SLCO3A1: variants seen among roughly 807,000 people sequenced by gnomAD.
SLCO3A1 encodes PGE1 transporter.
Under a neutral mutation model 63.1 loss-of-function variants are expected in SLCO3A1, and 27 were observed. The observed-to-expected ratio is 0.43, with a 90% confidence interval of 0.32 to 0.59. The LOEUF is 0.59. Among genes scored for constraint, SLCO3A1 ranks in the 20% least tolerant of loss-of-function variants. SLCO3A1 has a pLI of 0.09. For synonymous variants in SLCO3A1, 473 were observed against 409.9 expected, an observed-to-expected ratio of 1.15 and a Z score of -1.86; for missense variants, 773 against 945.8, an observed-to-expected ratio of 0.82 and a Z score of 2.40.
chr15:92,062,422 C>T (rs34970645), intron 2 of SLCO3A1, among the ~76,000 whole-genome samples: 17,018 of 152,028 alleles, frequency 0.11, 1,066 homozygotes, highest in East Asian at 0.27. Context: ...GCCCGAGTGC[C>T]GTGTGGTCCA....
chr15:92,034,714 T>C (rs1414803014), intron 2 of SLCO3A1, among the ~76,000 whole-genome samples: 3 of 151,940 alleles, frequency 2.0e-5, no homozygotes, highest in African/African-American at 7.2e-5. Flanking sequence ...ACAGCGACCA[T>C]TGGATTCACC....
At chr15:92,042,000 G>A (rs1300574354) in intron 2 of SLCO3A1, among the ~76,000 whole-genome samples, 4 of 152,084 alleles carry the variant, frequency 2.6e-5, no homozygotes, top group Non-Finnish European at 5.9e-5. Flanking sequence ...CAAATAATGA[G>A]CAGAATGCAC....
In SLCO3A1 at chr15:92,164,539, T is replaced by C; in HGVS notation, c.*1404T>C. The C allele has an allele frequency of 1.0e-6, 1 of 985,410 alleles. No homozygotes were observed. Among genetic ancestry groups the C allele is most frequent in the Non-Finnish European group, 1.2e-6 (1 of 829,938 alleles). The allele number at this position is 985,410 out of a possible 1,614,324, so 61.0% of individuals were successfully genotyped here. ...AGACACTCTTAGATGTGGGTTTGTG[T>C]GTATGGGTGCAACACTTCCGGGGAT... On this transcript the variant is annotated 3_prime_UTR_variant, in exon 10 of 10. Transcript: ENST00000318445.
At chr15:92,143,025 C>T (rs1315670161) in intron 7 of SLCO3A1, among the ~76,000 whole-genome samples, 1 of 151,876 alleles carries the variant, frequency 6.6e-6, no homozygotes, top group Non-Finnish European at 1.5e-5. Flanking sequence ...CTCCAGTGCC[C>T]ATATCACATT....
intron 1 of SLCO3A1, among the ~76,000 whole-genome samples, chr15:91,870,708 G>C (rs922544926): frequency 7.0e-6 from 1 of 142,772 alleles, no homozygotes; most frequent in Non-Finnish European, 1.6e-5. Context: ...TCGATTACTT[G>C]AATCCCTTTT....
At chr15:92,039,423 C>T (rs972371027) in intron 2 of SLCO3A1, among the ~76,000 whole-genome samples, 2 of 152,194 alleles carry the variant, frequency 1.3e-5, no homozygotes, top group Non-Finnish European at 2.9e-5. Context: ...TGAACAGACA[C>T]TTCTCAAAAG....
chr15:91,924,741 C>T (rs1402929208), intron 2 of SLCO3A1, among the ~76,000 whole-genome samples: 2 of 152,146 alleles, frequency 1.3e-5, no homozygotes, highest in African/African-American at 4.8e-5. Context: ...CTTACTGCCT[C>T]ACAATGATGG....
chr15:91,975,765 C>T (rs1030154243), intron 2 of SLCO3A1, among the ~76,000 whole-genome samples: 6 of 152,226 alleles, frequency 3.9e-5, no homozygotes, highest in African/African-American at 1.4e-4. Context: ...CCCTTACAGC[C>T]ACCCAGTGGT....
At chr15:91,947,061 A>G (rs1271495577) in intron 2 of SLCO3A1, among the ~76,000 whole-genome samples, 1 of 152,210 alleles carries the variant, frequency 6.6e-6, no homozygotes, top group African/African-American at 2.4e-5. Flanking sequence ...TCGGGTCCCG[A>G]GTGACCACAG....
At chr15:92,162,164 G>A (rs2048447825) in intron 9 of SLCO3A1, 1 of 125,306 alleles carries the variant, frequency 8.0e-6, no homozygotes, top group Non-Finnish European at 1.6e-5. Flanking sequence ...TTTTTGAGAT[G>A]GAGTCTTGCT....
intron 2 of SLCO3A1, among the ~76,000 whole-genome samples, chr15:91,962,769 C>G (rs1027037035): frequency 1.2e-4 from 18 of 152,136 alleles, no homozygotes; most frequent in African/African-American, 4.3e-4. Flanking sequence ...ACTGAGGGTC[C>G]TCGGGCTGCT....
chr15:91,889,102 A>C (rs1438510323), intron 1 of SLCO3A1: 5 of 1,222,196 alleles, frequency 4.1e-6, no homozygotes, highest in Non-Finnish European at 5.3e-6. Flanking sequence ...TTATTACAGA[A>C]TAAATATATT....
At chr15:92,015,854 G>C (rs555441076) in intron 2 of SLCO3A1, among the ~76,000 whole-genome samples, 122 of 152,252 alleles carry the variant, frequency 8.0e-4, no homozygotes, top group Admixed American at 1.7e-3. Flanking sequence ...AGAAACAGGG[G>C]CCAAGAAGAA....
intron 2 of SLCO3A1, among the ~76,000 whole-genome samples, chr15:92,092,821 GA>G (rs749688634): frequency 2.6e-5 from 4 of 152,136 alleles, no homozygotes; most frequent in Non-Finnish European, 4.4e-5. Context: ...TGACAAACCA[GA>G]GATAATGTGC....
rs1203227766 is a variant in SLCO3A1, at chr15:92,070,619, G to A, written c.647-24262G>A. On this transcript the variant is annotated intron_variant, in intron 2 of 9. Transcript: ENST00000318445. ...AGATCAGGCCACTACACTCCAGTCTGGGTGACAGAGCAACACTCTAGACTT... is the reference window on the plus strand; with the variant it reads ...AGATCAGGCCACTACACTCCAGTCTAGGTGACAGAGCAACACTCTAGACTT... Among the ~76,000 whole-genome samples the A allele has an allele frequency of 2.7e-5, 4 of 148,384 alleles. 1 individual carries two copies. The highest frequency in any genetic ancestry group is 1.5e-5 in the Non-Finnish European group (1 of 67,286).
chr15:91,931,788 A>AACACACACACATAC (rs1555450768), intron 2 of SLCO3A1, among the ~76,000 whole-genome samples: 5 of 144,216 alleles, frequency 3.5e-5, no homozygotes, highest in Non-Finnish European at 7.7e-5. Context: ...TAAGTGTGGA[A>AACACACACACATAC]ACACACACAC....
At position 92,147,053 on chromosome 15, in the gene SLCO3A1, C is replaced by T; in HGVS notation, c.1582C>T (p.Pro528Ser). 6.2e-7 allele frequency: 1 copy of T among 1,614,178 alleles called. No individual in the cohort carries two copies. Among genetic ancestry groups the T allele is most frequent in the Non-Finnish European group, 8.5e-7 (1 of 1,180,030 alleles). Reference sequence around the variant, plus strand: ...CGCAACCGTGGTTCCTGGAAAATGCCCCAGTCCTGGGTGCCAAGAGGCCTT... The same window carrying T: ...CGCAACCGTGGTTCCTGGAAAATGCTCCAGTCCTGGGTGCCAAGAGGCCTT... ...ENATVVPGKC[P>S]SPGCQEAFLT... is the part of the protein sequence containing the mutation. Residue 528 changes from proline to serine, a missense_variant, in exon 8 of 10, where the codon CCC becomes TCC. By Grantham distance (74) the Pro-to-Ser change is moderately conservative. This residue lies in a region of SLCO3A1 where 565 missense variants were observed against 749.8 expected (regional missense o/e 0.75). Coordinates refer to ENST00000318445, the MANE Select transcript of SLCO3A1 (RefSeq NM_013272.4).
At chr15:91,993,217 A>G (rs79178907) in intron 2 of SLCO3A1, among the ~76,000 whole-genome samples, 32,466 of 152,182 alleles carry the variant, frequency 0.21, 4,082 homozygotes, top group East Asian at 0.34. Flanking sequence ...TACGAATTGC[A>G]TTAGTACAAA....
chr15:91,958,519 G>T (rs1387211881), intron 2 of SLCO3A1, among the ~76,000 whole-genome samples: 1 of 152,186 alleles, frequency 6.6e-6, no homozygotes, highest in Non-Finnish European at 1.5e-5. Context: ...TTCTTCACTT[G>T]CAGAATGGAG....
Sources: gnomAD v4.1 joint callset for allele counts (sites outside exome capture counted in the v4.1 genomes callset) on GRCh38, gnomAD v4.1.1 for gene constraint, gnomAD v4.1.1 regional missense constraint, MANE v1.5 for transcripts, NCBI Gene and HGNC (gene_info 2026-07-23, HGNC 2026-07-21) for gene names.